Variants in ERC2 observed in about 807,000 individuals in gnomAD.
ERC2 encodes ELKS/RAB6-interacting/CAST family member 2.
Under a neutral mutation model 114.8 loss-of-function variants are expected in ERC2, and 42 were observed. The ratio of observed to expected loss-of-function variants is 0.37; its 90% CI spans 0.29 to 0.47. The LOEUF (loss-of-function observed/expected upper bound fraction) is 0.47. Among genes scored for constraint, ERC2 ranks in the 20% least tolerant of loss-of-function variants. ERC2 has a pLI of 0.99. For missense variants in ERC2, 939 were observed against 1,150.7 expected (o/e 0.82, Z 2.66); for synonymous variants, 454 against 425.5 (o/e 1.07, Z -0.82).
At chr3:56,311,255 C>CTATATATA (rs67320179) in intron 2 of ERC2, among the ~76,000 whole-genome samples, 15 of 79,024 alleles carry the variant, frequency 1.9e-4, no homozygotes, top group African/African-American at 6.9e-4. Context: ...CTCTCTCTCT[C>CTATATATA]TATATATATA....
At chr3:56,221,745 A>G (rs1022002951) in intron 3 of ERC2, among the ~76,000 whole-genome samples, 22 of 152,174 alleles carry the variant, frequency 1.4e-4, no homozygotes, top group Non-Finnish European at 2.8e-4. Context: ...TCTACTAAAA[A>G]TACAAAAAAT....
chr3:55,676,513 T>C (rs989735327), intron 17 of ERC2, among the ~76,000 whole-genome samples: 1 of 151,466 alleles, frequency 6.6e-6, no homozygotes, highest in Non-Finnish European at 1.5e-5. Flanking sequence ...CTCCCACCCA[T>C]TGGTATCTGT....
intron 17 of ERC2, among the ~76,000 whole-genome samples, chr3:55,639,091 CT>C (rs2060072853): frequency 6.6e-6 from 1 of 152,194 alleles, no homozygotes; most frequent in Non-Finnish European, 1.5e-5. Flanking sequence ...CTATCTAACT[CT>C]GCATATGTGC....
chr3:56,207,903 C>T (rs898339592), intron 3 of ERC2, among the ~76,000 whole-genome samples: 6 of 152,248 alleles, frequency 3.9e-5, no homozygotes, highest in South Asian at 2.1e-4. Flanking sequence ...GAAAACTTCT[C>T]AATTCCCCAA....
intron 17 of ERC2, among the ~76,000 whole-genome samples, chr3:55,641,939 G>C (rs2060202775): frequency 1.3e-5 from 2 of 152,142 alleles, no homozygotes; most frequent in Admixed American, 1.3e-4. Context: ...CTATTTTAAG[G>C]TGAAGAGTAG....
intron 4 of ERC2, among the ~76,000 whole-genome samples, chr3:56,164,122 G>A (rs1252878283): frequency 1.3e-5 from 2 of 151,858 alleles, no homozygotes; most frequent in African/African-American, 4.8e-5. Context: ...GCTTTCATGA[G>A]CTATAATACA....
chr3:55,888,592 C>T, intron 13 of ERC2, 43 bp from the exon 14 acceptor site: 1 of 1,606,858 alleles, frequency 6.2e-7, no homozygotes, highest in South Asian at 1.1e-5. Flanking sequence ...CTCCTTCATT[C>T]AAGCACAAGA....
intron 2 of ERC2, among the ~76,000 whole-genome samples, chr3:56,322,721 A>G (rs1407142889): frequency 6.6e-6 from 1 of 152,170 alleles, no homozygotes; most frequent in Non-Finnish European, 1.5e-5. Flanking sequence ...CCAGGCGAAG[A>G]CCAGTGGTCT....
At chr3:55,637,299 G>T (rs1245566308) in intron 17 of ERC2, among the ~76,000 whole-genome samples, 1 of 152,180 alleles carries the variant, frequency 6.6e-6, no homozygotes, top group African/African-American at 2.4e-5. Context: ...CTTTCACCTG[G>T]AGAGTACAGA....
intron 14 of ERC2, among the ~76,000 whole-genome samples, chr3:55,738,269 T>C (rs750190463): frequency 1.3e-5 from 2 of 151,976 alleles, no homozygotes; most frequent in African/African-American, 2.4e-5. Flanking sequence ...GCTATACTCA[T>C]AGGAAAAAAC....
At chr3:56,329,921 C>CAATATACATATATATTTCA (rs574125756) in intron 2 of ERC2, among the ~76,000 whole-genome samples, 1 of 146,600 alleles carries the variant, frequency 6.8e-6, no homozygotes, top group African/African-American at 2.5e-5. Context: ...CATGTGTTTC[C>CAATATACATATATATTTCA]AATATACATA....
intron 2 of ERC2, among the ~76,000 whole-genome samples, chr3:56,324,873 C>A (rs1431685311): frequency 6.6e-6 from 1 of 151,842 alleles, no homozygotes; most frequent in Admixed American, 6.6e-5. Context: ...GACACTCTTG[C>A]TTCCAGGATG....
At chr3:56,253,263 CTT>C in intron 3 of ERC2, among the ~76,000 whole-genome samples, 1 of 152,190 alleles carries the variant, frequency 6.6e-6, no homozygotes, top group Non-Finnish European at 1.5e-5. Context: ...CAGCTTGGTA[CTT>C]TTAAAATAAT....
intron 7 of ERC2, among the ~76,000 whole-genome samples, chr3:56,046,981 C>T (rs955612813): frequency 6.6e-6 from 1 of 152,216 alleles, no homozygotes; most frequent in Non-Finnish European, 1.5e-5. Flanking sequence ...AGTCTGTCTT[C>T]TGCAAAGTGT....
chr3:56,277,246 T>C (rs967850834), intron 3 of ERC2, among the ~76,000 whole-genome samples: 1 of 152,148 alleles, frequency 6.6e-6, no homozygotes, highest in African/African-American at 2.4e-5. Flanking sequence ...TCCTCTTCCT[T>C]CTTATTTGTC....
chr3:56,049,598 G>C (rs2075657823), intron 7 of ERC2, among the ~76,000 whole-genome samples: 1 of 152,122 alleles, frequency 6.6e-6, no homozygotes, highest in Non-Finnish European at 1.5e-5. Flanking sequence ...GTACGGCCAG[G>C]ATATAAAGCA....
intron 14 of ERC2, among the ~76,000 whole-genome samples, chr3:55,788,731 T>C (rs9809248): frequency 0.34 from 51,551 of 152,090 alleles, 10,583 homozygotes; most frequent in African/African-American, 0.58. Context: ...CCATCGAAGG[T>C]CAGCTCTGTT....
chr3:55,962,285 C>T (rs192545691), intron 12 of ERC2, among the ~76,000 whole-genome samples: 1 of 152,332 alleles, frequency 6.6e-6, no homozygotes, highest in Admixed American at 6.5e-5. Context: ...AAGTGGTCAG[C>T]AATCTTTTTC....
intron 15 of ERC2, among the ~76,000 whole-genome samples, chr3:55,727,832 T>C (rs2065014814): frequency 6.6e-6 from 1 of 152,138 alleles, no homozygotes; most frequent in African/African-American, 2.4e-5. Flanking sequence ...TAAAAAAATT[T>C]GGAATAAAAG....
Sources: allele counts gnomAD v4.1 joint callset (sites outside exome capture counted in the v4.1 genomes callset), GRCh38; gene constraint gnomAD v4.1.1; transcripts MANE v1.5; gene names NCBI Gene and HGNC (gene_info 2026-07-23, HGNC 2026-07-21).